The following GLP1R variants were observed in gnomAD, a reference collection of about 807,000 sequenced individuals.
GLP1R encodes the protein glucagon-like peptide 1 receptor.
Under a neutral mutation model 68.4 loss-of-function variants are expected in GLP1R, and 32 were observed. That is an observed-to-expected ratio of 0.47 (90% CI 0.35 to 0.63). GLP1R has a LOEUF of 0.63. Among genes scored for constraint, GLP1R ranks in the 20% least tolerant of loss-of-function variants. The pLI is 0.00. For missense variants in GLP1R, 502 were observed against 594.9 expected (o/e 0.84, Z 1.62); for synonymous variants, 263 against 244.4 (o/e 1.08, Z -0.71).
At chr6:39,057,221 G>C (rs1768234843) in intron 2 of GLP1R, among the ~76,000 whole-genome samples, 1 of 152,184 alleles carries the variant, frequency 6.6e-6, no homozygotes, top group Non-Finnish European at 1.5e-5. Flanking sequence ...ACCCTATGGG[G>C]CTGGAAATAC....
At chr6:39,058,146 C>T (rs959709823) in intron 3 of GLP1R, among the ~76,000 whole-genome samples, 1 of 152,154 alleles carries the variant, frequency 6.6e-6, no homozygotes. Flanking sequence ...AAGAGAAATG[C>T]GACCCCTTCC....
intron 3 of GLP1R, among the ~76,000 whole-genome samples, chr6:39,058,400 G>A (rs1485882704): frequency 1.3e-5 from 2 of 152,120 alleles, no homozygotes; most frequent in Non-Finnish European, 2.9e-5. Context: ...GCCTGCAAGG[G>A]GGACCTTGTA....
chr6:39,070,452 T>G (rs1038882794), intron 5 of GLP1R, among the ~76,000 whole-genome samples: 20 of 152,238 alleles, frequency 1.3e-4, no homozygotes, highest in African/African-American at 4.8e-4. Flanking sequence ...TTCTTACTTG[T>G]GCATTTCTCT....
Position 39,057,478 on chromosome 6 carries a change from T to C in GLP1R, c.182T>C (p.Phe61Ser). ...TEDPPPATDL[F>S]CNRTFDEYAC... The stretch of plus-strand genomic sequence containing the variant: ...CTGTTCTTTCTGCTCCCAGACTTGT[T>C]CTGCAACCGGACCTTCGATGAATAC... The change falls in exon 3 of 13, where the codon TTC becomes TCC. Residue 61 changes from phenylalanine to serine, a missense_variant. By Grantham distance (155) the Phe-to-Ser change is radical. Transcript: ENST00000373256. The C allele has an allele frequency of 6.2e-7, 1 of 1,609,838 alleles. No individual in the cohort carries two copies. The highest frequency in any genetic ancestry group is 8.5e-7 in the Non-Finnish European group (1 of 1,176,158).
intron 1 of GLP1R, among the ~76,000 whole-genome samples, chr6:39,050,915 A>G (rs1305427598): frequency 1.3e-5 from 2 of 152,076 alleles, no homozygotes; most frequent in Non-Finnish European, 2.9e-5. Context: ...CTCAGACGGG[A>G]CTGAAGGGAG....
intron 3 of GLP1R, among the ~76,000 whole-genome samples, chr6:39,065,255 A>G (rs1361780639): frequency 6.6e-6 from 1 of 151,896 alleles, no homozygotes; most frequent in African/African-American, 2.4e-5. Flanking sequence ...TGTGGGAGGG[A>G]GGTGGGCACT....
intron 3 of GLP1R, among the ~76,000 whole-genome samples, chr6:39,064,170 A>AT (rs1207490109): frequency 6.8e-6 from 1 of 146,254 alleles, no homozygotes; most frequent in East Asian, 2.0e-4. Context: ...TGCCTGGCTA[A>AT]TTTTTTGTAT....
At chr6:39,075,889 G>A (rs1768805696) in intron 7 of GLP1R, among the ~76,000 whole-genome samples, 2 of 152,220 alleles carry the variant, frequency 1.3e-5, no homozygotes, top group African/African-American at 2.4e-5. Context: ...GGCAAATGAT[G>A]GTTGAGGGAA....
chr6:39,061,686 T>A (rs1768361625), intron 3 of GLP1R, among the ~76,000 whole-genome samples: 1 of 152,182 alleles, frequency 6.6e-6, no homozygotes. Flanking sequence ...AAAGGTCTAC[T>A]ATGTACCGGG....
In GLP1R at chr6:39,048,854, C is replaced by T. The variant is rs200721844; in HGVS notation, c.14C>T (p.Pro5Leu). 1.2e-4 allele frequency: 184 copies of T among 1,491,932 alleles called. 1 individual carries two copies. Among genetic ancestry groups the T allele is most frequent in the Middle Eastern group, 1.0e-3 (5 of 4,958 alleles). 92.4% of individuals were successfully genotyped at this position (1,491,932 alleles called of 1,614,324 possible). Reference sequence around the variant, plus strand: ...GAACTCCCCGCCATGGCCGGCGCCCCCGGCCCGCTGCGCCTTGCGCTGCTG... The same window carrying T: ...GAACTCCCCGCCATGGCCGGCGCCCTCGGCCCGCTGCGCCTTGCGCTGCTG... MAGA[P>L]GPLRLALLLL... is the part of the protein sequence containing the mutation. The change falls in exon 1 of 13, where the codon CCC (proline) becomes CTC (leucine). Residue 5 changes from proline (P) to leucine (L), a missense_variant. Pro to Leu is a moderately conservative substitution (Grantham distance 98). Coordinates refer to ENST00000373256, the MANE Select transcript of GLP1R (RefSeq NM_002062.5).
chr6:39,069,637 C>CAA (rs1160778497), intron 5 of GLP1R, among the ~76,000 whole-genome samples: 11,290 of 98,492 alleles, frequency 0.11, 559 homozygotes, highest in Admixed American at 0.23. Context: ...GACTCTGTCT[C>CAA]AAAAAAAAAA....
chr6:39,081,031 G>A (rs184227792), intron 12 of GLP1R, among the ~76,000 whole-genome samples: 88 of 151,954 alleles, frequency 5.8e-4, no homozygotes, highest in African/African-American at 1.7e-3. Flanking sequence ...CTCTTTGCTT[G>A]GTGGTAGTGA....
chr6:39,050,468 C>T (rs1361954387), intron 1 of GLP1R, among the ~76,000 whole-genome samples: 1 of 152,114 alleles, frequency 6.6e-6, no homozygotes, highest in African/African-American at 2.4e-5. Context: ...GCTCCTGAAC[C>T]CACACTTTCC....
intron 4 of GLP1R, 150 bp downstream of exon 4, chr6:39,065,979 G>T: frequency 1.6e-6 from 1 of 644,436 alleles, no homozygotes; most frequent in Non-Finnish European, 2.8e-6. Context: ...ATGCTTTCTG[G>T]ACAAAGGTGG....
At chr6:39,056,281 A>G (rs1562003734) in intron 1 of GLP1R, 116 bp from the exon 2 acceptor site, 5 of 591,594 alleles carry the variant, frequency 8.5e-6, no homozygotes, top group African/African-American at 5.6e-5. Flanking sequence ...GATGCCTGGC[A>G]GAATTTGGGG....
At position 39,086,202 on chromosome 6, in the gene GLP1R, CACAT is replaced by C. The variant is rs1554173037; in HGVS notation, c.*134_*137del. On this transcript the variant is annotated 3_prime_UTR_variant, in exon 13 of 13. Coordinates refer to ENST00000373256, the MANE Select transcript of GLP1R (RefSeq NM_002062.5). This position sits in a 1 kb window ranked among gnomAD's most constrained non-coding sequence, Gnocchi z 4.5. Reference sequence around the variant, plus strand: ...ACACACACACACACACACACACACACACATACATCCTGCTTTCCCTCCCCAAACC... The same window carrying C: ...ACACACACACACACACACACACACACACATCCTGCTTTCCCTCCCCAAACC... The C allele has an allele frequency of 1.0e-3, 514 of 493,138 alleles. 2 individuals carry two copies. The highest frequency in any genetic ancestry group is 7.3e-3 in the African/African-American group (378 of 51,672). 30.5% of individuals were successfully genotyped at this position (493,138 alleles called of 1,614,324 possible).
At chr6:39,052,948 C>G (rs1224458284) in intron 1 of GLP1R, among the ~76,000 whole-genome samples, 1 of 152,148 alleles carries the variant, frequency 6.6e-6, no homozygotes, top group African/African-American at 2.4e-5. Context: ...CTCCTGGTGT[C>G]CTCTTTCCTG....
Position 39,088,703 on chromosome 6 carries a change from A to G in GLP1R, c.*2630A>G, listed in dbSNP as rs1199170712. Among the ~76,000 whole-genome samples the G allele has an allele frequency of 6.6e-6, 1 of 152,240 alleles. No individual in the cohort carries two copies. The highest frequency in any genetic ancestry group is 1.5e-5 in the Non-Finnish European group (1 of 68,046). ...AACTGAAACAAAACACTTATATTGCAAAGTTCCTTCCCTTTAAAATGAGCT... is the reference window on the plus strand; with the variant it reads ...AACTGAAACAAAACACTTATATTGCGAAGTTCCTTCCCTTTAAAATGAGCT... On this transcript the variant is annotated 3_prime_UTR_variant, in exon 13 of 13. Transcript: ENST00000373256.
At position 39,086,084 on chromosome 6, in the gene GLP1R, C is replaced by T; in HGVS notation, c.*11C>T. The T allele has an allele frequency of 6.2e-7, 1 of 1,612,186 alleles. No homozygotes were observed. Among genetic ancestry groups the T allele is most frequent in the African/African-American group, 1.3e-5 (1 of 74,938 alleles). ...GCCTCCTGCAGCTGAGACTCCAGCG[C>T]CTGCCCTCCCTGGGGTCCTTGCTGC... On this transcript the variant is annotated 3_prime_UTR_variant, in exon 13 of 13. Coordinates refer to ENST00000373256, the MANE Select transcript of GLP1R (RefSeq NM_002062.5). The surrounding 1 kb of genome is among the most constrained non-coding windows in gnomAD (Gnocchi z 4.5).
Sources: gnomAD v4.1 joint callset for allele counts (sites outside exome capture counted in the v4.1 genomes callset) on GRCh38, gnomAD v4.1.1 for gene constraint, Gnocchi (gnomAD v3.1) non-coding constraint, MANE v1.5 for transcripts, NCBI Gene and HGNC (gene_info 2026-07-23, HGNC 2026-07-21) for gene names.